Variants in IFNL3 observed in about 807,000 individuals in gnomAD.
IFNL3 encodes the protein interferon lambda 3, also known as interferon lambda-3.
A neutral mutation model predicts 16.3 loss-of-function variants in IFNL3; 16 were observed. That is an observed-to-expected ratio of 0.98 (90% CI 0.67 to 1.50). The LOEUF (loss-of-function observed/expected upper bound fraction) is 1.50. IFNL3 is among the 40% of genes most tolerant of loss of function. IFNL3 has a pLI of 0.00. For synonymous variants in IFNL3, 115 were observed against 115.3 expected, an observed-to-expected ratio of 1.00 and a Z score of 0.02; for missense variants, 254 against 253.5, an observed-to-expected ratio of 1.00 and a Z score of -0.01.
At chr19:39,244,644 G>T (rs2074935251) in intron 1 of IFNL3, 144 bp downstream of exon 1, 1 of 1,372,480 alleles carries the variant, frequency 7.3e-7, no homozygotes, top group Non-Finnish European at 9.9e-7. Flanking sequence ...ACATGAGTCA[G>T]TCCCTGCAGT....
Position 39,244,016 on chromosome 19 carries a change from G to C in IFNL3, c.400C>G (p.Arg134Gly), listed in dbSNP as rs139176035. ...GGGCCCTGACGACTCACACAGGCCC[G>C]GAGCTGGGAGAGGATATGGTGCAGG... Reference protein sequence around the residue: ...HTLHHILSQLRACIQPQPTAG... With the variant: ...HTLHHILSQLGACIQPQPTAG... The change falls in exon 3 of 5, where the codon CGG becomes GGG. Residue 134 changes from arginine to glycine, a missense_variant. By Grantham distance (125) the Arg-to-Gly change is moderately radical. Transcript: ENST00000413851. 6.2e-7 allele frequency: 1 copy of C among 1,613,978 alleles called. No homozygotes were observed. The highest frequency in any genetic ancestry group is 8.5e-7 in the Non-Finnish European group (1 of 1,179,892).
intron 3 of IFNL3, 32 bp downstream of exon 3, chr19:39,243,976 C>A: frequency 6.2e-7 from 1 of 1,612,026 alleles, no homozygotes. Context: ...TCAGAGCTCA[C>A]AGACCTGGGT....
intron 2 of IFNL3, 85 bp downstream of exon 2, chr19:39,244,332 T>A: frequency 7.6e-7 from 1 of 1,307,960 alleles, no homozygotes; most frequent in Admixed American, 2.2e-5. Context: ...AGAGGGACAA[T>A]GGAGAAGGAG....
Position 39,243,646 on chromosome 19 carries a change from C to G in IFNL3, c.577G>C (p.Asp193His), listed in dbSNP as rs1247998665. The change falls in exon 5 of 5, where the codon GAC becomes CAC. Residue 193 changes from aspartate to histidine, a missense_variant. By Grantham distance (81) the Asp-to-His change is moderately conservative. Transcript: ENST00000413851. ...TRDLNCVASGDLCV is the reference protein window; with the variant it reads ...TRDLNCVASGHLCV Reference sequence around the variant, plus strand: ...TGGCGGAAGGGTCAGACACACAGGTCCCCGCTGGCAACACAATTCAGGTCT... The same window carrying G: ...TGGCGGAAGGGTCAGACACACAGGTGCCCGCTGGCAACACAATTCAGGTCT... 2.5e-6 allele frequency: 4 copies of G among 1,599,372 alleles called. No individual in the cohort carries two copies. Among genetic ancestry groups the G allele is most frequent in the African/African-American group, 2.7e-5 (2 of 74,570 alleles).
intron 1 of IFNL3, 108 bp downstream of exon 1, chr19:39,244,680 G>C: frequency 6.9e-7 from 1 of 1,444,442 alleles, no homozygotes; most frequent in Non-Finnish European, 9.4e-7. Context: ...CCCACTGCAG[G>C]GAGGGTGGAG....
rs371130259 is a variant in IFNL3 at position 39,243,649 on chromosome 19, C to T, written c.574G>A (p.Gly192Arg). ...CGGAAGGGTCAGACACACAGGTCCCCGCTGGCAACACAATTCAGGTCTCGC... is the reference window on the plus strand; with the variant it reads ...CGGAAGGGTCAGACACACAGGTCCCTGCTGGCAACACAATTCAGGTCTCGC... ...LTRDLNCVAS[G>R]DLCV Residue 192 changes from glycine (G) to arginine (R), a missense_variant, in exon 5 of 5, where the codon GGG becomes AGG. Gly to Arg is a moderately radical substitution (Grantham distance 125). Coordinates refer to ENST00000413851, the MANE Select transcript of IFNL3 (RefSeq NM_172139.4). 1.5e-5 allele frequency: 24 copies of T among 1,600,952 alleles called. 1 individual carries two copies. The highest frequency in any genetic ancestry group is 7.9e-5 in the South Asian group (7 of 89,074).
rs200180353 is a variant in IFNL3 at position 39,243,650 on chromosome 19, G to A, written c.573C>T (p.Ser191=). 8.5e-5 allele frequency: 136 copies of A among 1,600,190 alleles called. No homozygotes were observed. The highest frequency in any genetic ancestry group is 3.3e-4 in the Middle Eastern group (2 of 6,054). The stretch of plus-strand genomic sequence containing the variant: ...GGAAGGGTCAGACACACAGGTCCCC[G>A]CTGGCAACACAATTCAGGTCTCGCG... The part of the protein sequence containing the change: ...LLTRDLNCVA[S]GDLCV The change falls in exon 5 of 5, where the codon AGC becomes AGT. Residue 191 remains serine, a synonymous_variant. Transcript: ENST00000413851.
Position 39,244,992 on chromosome 19 carries a change from G to C in IFNL3, c.-25C>G. ...TGTCTGTGTCACAGAGAGAAAGGGA[G>C]CTGAGGGAATGCAGAGGCTGCCCAC... On this transcript the variant is annotated 5_prime_UTR_variant, in exon 1 of 5. Transcript: ENST00000413851. The C allele has an allele frequency of 1.9e-6, 3 of 1,613,968 alleles. No individual in the cohort carries two copies. Among genetic ancestry groups the C allele is most frequent in the Non-Finnish European group, 2.5e-6 (3 of 1,179,870 alleles).
Position 39,243,616 on chromosome 19 carries a change from A to T in IFNL3, c.*16T>A. The T allele has an allele frequency of 6.4e-7, 1 of 1,570,820 alleles. No homozygotes were observed. On this transcript the variant is annotated 3_prime_UTR_variant, in exon 5 of 5. Coordinates refer to ENST00000413851, the MANE Select transcript of IFNL3 (RefSeq NM_172139.4). ...ATTTATAAATAAAATCTCAGGTTGC[A>T]TGACTGGCGGAAGGGTCAGACACAC...
At chr19:39,243,497 T>G, downstream of IFNL3, 1 of 1,077,812 alleles carries the variant, frequency 9.3e-7, no homozygotes, top group East Asian at 2.6e-5. Context: ...TTTCAAAAAG[T>G]AGAAAAATAA....
In IFNL3 at chr19:39,243,949, C is replaced by A. The variant is rs188088762; in HGVS notation, c.409-42G>T. 5.8e-3 allele frequency: 9,385 copies of A among 1,611,262 alleles called. 88 individuals are homozygous for A. Among genetic ancestry groups the A allele is most frequent in the African/African-American group, 0.046 (3,420 of 74,718 alleles). On this transcript the variant is annotated intron_variant, in intron 3 of 4. Transcript: ENST00000413851. ...GCGGTGTGTGAGCCGGGGCCTTGGCCAGGGGAAGGACGCTGCTCAGAGCTC... is the reference window on the plus strand; with the variant it reads ...GCGGTGTGTGAGCCGGGGCCTTGGCAAGGGGAAGGACGCTGCTCAGAGCTC...
In IFNL3 at chr19:39,244,015, C is replaced by T. The variant is rs540120208; in HGVS notation, c.401G>A (p.Arg134Gln). 61 of 1,613,902 alleles carry T rather than the reference C, an allele frequency of 3.8e-5. No homozygotes were observed. In the South Asian group the frequency reaches 6.1e-4, roughly 16 times the overall value. Residue 134 changes from arginine (R) to glutamine (Q), a missense_variant, in exon 3 of 5, where the codon CGG (arginine) becomes CAG (glutamine). Physicochemically the swap from Arg to Gln is conservative, Grantham distance 43. Coordinates refer to ENST00000413851, the MANE Select transcript of IFNL3 (RefSeq NM_172139.4). The part of the protein sequence containing the change: ...HTLHHILSQL[R>Q]ACIQPQPTAG... ...CGGGCCCTGACGACTCACACAGGCC[C>T]GGAGCTGGGAGAGGATATGGTGCAG...
chr19:39,244,143 G>A lies in IFNL3; in HGVS notation c.273C>T (p.Pro91=), dbSNP rs528458265. ...GGGCCAGCTCAGCCTCCAAAGCCACGGGGCGCTCCCTCACCTGAGGAGAGG... is the reference window on the plus strand; with the variant it reads ...GGGCCAGCTCAGCCTCCAAAGCCACAGGGCGCTCCCTCACCTGAGGAGAGG... ...DLRQLQVRER[P]VALEAELALT... Residue 91 remains proline, a synonymous_variant, in exon 3 of 5, where the codon CCC becomes CCT. Coordinates refer to ENST00000413851, the MANE Select transcript of IFNL3 (RefSeq NM_172139.4). 5.6e-5 allele frequency: 90 copies of A among 1,614,144 alleles called. 1 individual carries two copies. The East Asian group carries it at 1.2e-3, about 21-fold the overall frequency.
rs140951294 is a variant in IFNL3, at chr19:39,244,883, C to G, written c.85G>C (p.Gly29Arg). ...TGAVPVARLR[G>R]ALPDARGCHI... is the part of the protein sequence containing the mutation. The stretch of plus-strand genomic sequence containing the variant: ...CAGCCCCTTGCATCCGGGAGAGCCC[C>G]GCGGAGCCTGGCGACAGGAACTGCT... Residue 29 changes from glycine to arginine, a missense_variant, in exon 1 of 5, where the codon GGG (glycine) becomes CGG (arginine). Gly to Arg is a moderately radical substitution (Grantham distance 125). Transcript: ENST00000413851. The G allele has an allele frequency of 2.0e-5, 32 of 1,613,872 alleles. No individual in the cohort carries two copies. Among genetic ancestry groups the G allele is most frequent in the South Asian group, 1.8e-4 (16 of 91,076 alleles).
At position 39,244,456 on chromosome 19, in the gene IFNL3, G is replaced by A. The variant is rs1397462783; in HGVS notation, c.219C>T (p.Ser73=). The part of the protein sequence containing the change: ...SLLLKDCKCR[S]RLFPRTWDLR... ...GGTCCCAGGTCCTGGGGAAGAGGCGGGAGCGGCACTTGCAGTCCTTCAGCA... is the reference window on the plus strand; with the variant it reads ...GGTCCCAGGTCCTGGGGAAGAGGCGAGAGCGGCACTTGCAGTCCTTCAGCA... Residue 73 remains serine (S), a synonymous_variant, in exon 2 of 5, where the codon TCC becomes TCT. Coordinates refer to ENST00000413851, the MANE Select transcript of IFNL3 (RefSeq NM_172139.4). 6.2e-7 allele frequency: 1 copy of A among 1,611,446 alleles called. No individual in the cohort carries two copies. Among genetic ancestry groups the A allele is most frequent in the Non-Finnish European group, 8.5e-7 (1 of 1,178,870 alleles).
In IFNL3 at chr19:39,244,029, G is replaced by C; in HGVS notation, c.387C>G (p.Ile129Met). 2 of 1,614,180 alleles carry C rather than the reference G, an allele frequency of 1.2e-6. No homozygotes were observed. The highest frequency in any genetic ancestry group is 1.7e-6 in the Non-Finnish European group (2 of 1,180,014). ...LDQPLHTLHH[I>M]LSQLRACIQP... is the part of the protein sequence containing the mutation. Reference sequence around the variant, plus strand: ...TCACACAGGCCCGGAGCTGGGAGAGGATATGGTGCAGGGTGTGAAGGGGCT... The same window carrying C: ...TCACACAGGCCCGGAGCTGGGAGAGCATATGGTGCAGGGTGTGAAGGGGCT... The change falls in exon 3 of 5, where the codon ATC becomes ATG. Residue 129 changes from isoleucine to methionine, a missense_variant. Coordinates refer to ENST00000413851, the MANE Select transcript of IFNL3 (RefSeq NM_172139.4).
At chr19:39,243,795 C>A (rs1240574461) in intron 4 of IFNL3, 29 bp downstream of exon 4, 13 of 1,613,438 alleles carry the variant, frequency 8.1e-6, no homozygotes, top group Admixed American at 3.3e-5. Flanking sequence ...CTCCCCAGAC[C>A]TCAGTCCCTC....
Position 39,243,817 on chromosome 19 carries a change from C to T in IFNL3, c.492+7G>A. 6.2e-7 allele frequency: 1 copy of T among 1,613,814 alleles called. No homozygotes were observed. Among genetic ancestry groups the T allele is most frequent in the South Asian group, 1.1e-5 (1 of 91,064 alleles). The stretch of plus-strand genomic sequence containing the variant: ...GACCTCAGTCCCTCTCTTCCCGGGT[C>T]ACTCACCTTTTTTGGGGCCTCCTGG... On this transcript the variant is annotated splice_region_variant and intron_variant, in intron 4 of 4. Transcript: ENST00000413851.
chr19:39,243,611 G>A lies in IFNL3; in HGVS notation c.*21C>T, dbSNP rs1263156942. 5 of 1,562,444 alleles carry A rather than the reference G, an allele frequency of 3.2e-6. No individual in the cohort carries two copies. The highest frequency in any genetic ancestry group is 1.7e-4 in the Middle Eastern group (1 of 5,998). ...GGCTAATTTATAAATAAAATCTCAG[G>A]TTGCATGACTGGCGGAAGGGTCAGA... On this transcript the variant is annotated 3_prime_UTR_variant, in exon 5 of 5. Coordinates refer to ENST00000413851, the MANE Select transcript of IFNL3 (RefSeq NM_172139.4).
Sources: allele counts gnomAD v4.1 joint callset, GRCh38; gene constraint gnomAD v4.1.1; transcripts MANE v1.5; gene names NCBI Gene and HGNC (gene_info 2026-07-23, HGNC 2026-07-21).